Variants in POLN observed in about 807,000 individuals in gnomAD.
POLN encodes the protein DNA polymerase nu.
A neutral mutation model predicts 113.5 loss-of-function variants in POLN; 108 were observed. The ratio of observed to expected loss-of-function variants is 0.95; its 90% CI spans 0.81 to 1.12. The LOEUF (loss-of-function observed/expected upper bound fraction) is 1.12, where lower values mean the gene tolerates loss of function less well. POLN is among the 50% of genes most tolerant of loss of function. POLN has a pLI of 0.00. For synonymous variants in POLN, 386 were observed against 391.5 expected (o/e 0.99, Z 0.17); for missense variants, 1,097 against 1,077.1 (o/e 1.02, Z -0.26).
intron 23 of POLN, chr4:2,078,554 G>A: frequency 1.0e-6 from 1 of 978,300 alleles, no homozygotes; most frequent in Non-Finnish European, 1.2e-6. Flanking sequence ...CACTCTAGGG[G>A]CACCGTGTGC....
intron 16 of POLN, among the ~76,000 whole-genome samples, chr4:2,152,678 A>T (rs1732325546): frequency 6.6e-6 from 1 of 152,152 alleles, no homozygotes. Context: ...AATAGTGTGC[A>T]GCTGGATTCA....
chr4:2,108,790 C>T (rs1386228703), intron 19 of POLN, among the ~76,000 whole-genome samples: 11 of 151,934 alleles, frequency 7.2e-5, no homozygotes, highest in Admixed American at 7.2e-4. Context: ...TTGTGGCTGA[C>T]AATCACCCCT....
intron 3 of POLN, among the ~76,000 whole-genome samples, chr4:2,216,919 A>C (rs926665086): frequency 6.6e-6 from 1 of 152,116 alleles, no homozygotes; most frequent in Non-Finnish European, 1.5e-5. Flanking sequence ...GCATCTACCC[A>C]CCCCATGATT....
intron 2 of POLN, among the ~76,000 whole-genome samples, chr4:2,235,486 C>G (rs1428047609): frequency 1.3e-5 from 2 of 152,198 alleles, no homozygotes; most frequent in Non-Finnish European, 2.9e-5. Context: ...ACCTAAATGT[C>G]TGTCAATCTA....
intron 8 of POLN, 116 bp from the exon 9 acceptor site, chr4:2,176,450 C>T (rs1732998322): frequency 1.4e-5 from 10 of 739,636 alleles, no homozygotes; most frequent in Middle Eastern, 3.8e-4. Flanking sequence ...ATGAGGTTTT[C>T]AATGGCAGAT....
At chr4:2,190,503 A>C (rs1733413199) in intron 7 of POLN, among the ~76,000 whole-genome samples, 1 of 152,058 alleles carries the variant, frequency 6.6e-6, no homozygotes, top group Non-Finnish European at 1.5e-5. Flanking sequence ...ACAACTTCAA[A>C]AGTATAGGCA....
At chr4:2,225,781 G>A (rs1317219351) in intron 3 of POLN, among the ~76,000 whole-genome samples, 3 of 151,954 alleles carry the variant, frequency 2.0e-5, no homozygotes, top group African/African-American at 7.3e-5. Flanking sequence ...CAGGAGAATC[G>A]TGTGAGCCCA....
chr4:2,209,344 G>C (rs1328034099), intron 4 of POLN, among the ~76,000 whole-genome samples: 2 of 151,794 alleles, frequency 1.3e-5, no homozygotes, highest in African/African-American at 4.8e-5. Context: ...GTTGGGCATG[G>C]TGGAGCATGC....
Position 2,169,227 on chromosome 4 carries a change from G to A in POLN, c.1554+1452C>T, listed in dbSNP as rs905182825. On this transcript the variant is annotated intron_variant, in intron 13 of 25. Transcript: ENST00000511885. ...GGGATACGCTCTGCAGCTCAGATTT[G>A]ATGCTAAGTGCAATAGAAGCTACTG... Among the ~76,000 whole-genome samples, 5 of 152,186 alleles carry A rather than the reference G, an allele frequency of 3.3e-5. No individual in the cohort carries two copies. The East Asian group carries it at 9.6e-4, about 29-fold the overall frequency.
chr4:2,133,148 C>CAAAAAAA (rs3045447), intron 16 of POLN, among the ~76,000 whole-genome samples: 59 of 140,710 alleles, frequency 4.2e-4, no homozygotes, highest in African/African-American at 1.5e-3. Context: ...TAAAAAATGG[C>CAAAAAAA]AAAAAAAAAA....
chr4:2,135,691 C>G (rs948917447), intron 16 of POLN, among the ~76,000 whole-genome samples: 15 of 152,196 alleles, frequency 9.9e-5, no homozygotes, highest in African/African-American at 3.6e-4. Context: ...TGGGTCCCAC[C>G]AGGTGAGAGT....
At chr4:2,167,029 G>A (rs1486732639) in intron 13 of POLN, among the ~76,000 whole-genome samples, 1 of 152,190 alleles carries the variant, frequency 6.6e-6, no homozygotes, top group Non-Finnish European at 1.5e-5. Context: ...ATTCCATGAT[G>A]ATAAAGACCT....
chr4:2,203,699 C>A (rs1733773396), intron 5 of POLN, among the ~76,000 whole-genome samples: 1 of 151,974 alleles, frequency 6.6e-6, no homozygotes, highest in South Asian at 2.1e-4. Context: ...AAGGTCACAC[C>A]TCAAGGAACT....
chr4:2,188,390 G>A (rs1733335312), intron 7 of POLN, among the ~76,000 whole-genome samples: 1 of 152,116 alleles, frequency 6.6e-6, no homozygotes, highest in East Asian at 1.9e-4. Context: ...CACGAGGTCA[G>A]GAGATCAAGA....
intron 24 of POLN, 66 bp from the exon 25 acceptor site, chr4:2,073,095 A>G: frequency 6.5e-7 from 1 of 1,541,548 alleles, no homozygotes; most frequent in Non-Finnish European, 8.9e-7. Flanking sequence ...AGCCGAAGAT[A>G]AGAGAACTTT....
chr4:2,161,984 G>A (rs1250771274), intron 13 of POLN, among the ~76,000 whole-genome samples: 1 of 151,982 alleles, frequency 6.6e-6, no homozygotes, highest in African/African-American at 2.4e-5. Flanking sequence ...TCTAGCTCAG[G>A]GATTGTAAAT....
At chr4:2,180,930 A>T (rs1048873629) in intron 7 of POLN, among the ~76,000 whole-genome samples, 3 of 152,194 alleles carry the variant, frequency 2.0e-5, no homozygotes, top group Admixed American at 2.0e-4. Context: ...GTAAAAAAGT[A>T]AGTAAATCCG....
intron 7 of POLN, among the ~76,000 whole-genome samples, chr4:2,188,205 C>T (rs1303524122): frequency 2.0e-5 from 3 of 152,070 alleles, no homozygotes; most frequent in South Asian, 2.1e-4. Flanking sequence ...ATCCTTCACA[C>T]GTGAAAAAGA....
chr4:2,208,585 G>A (rs1733916329), intron 4 of POLN, 98 bp from the exon 5 acceptor site: 1 of 977,032 alleles, frequency 1.0e-6, no homozygotes, highest in Non-Finnish European at 1.4e-6. Flanking sequence ...AAGGTAATAT[G>A]GAGACACAAT....
Sources: allele counts gnomAD v4.1 joint callset (sites outside exome capture counted in the v4.1 genomes callset), GRCh38; gene constraint gnomAD v4.1.1; transcripts MANE v1.5; gene names NCBI Gene and HGNC (gene_info 2026-07-23, HGNC 2026-07-21).